BRINP1: variants seen among roughly 807,000 people sequenced by gnomAD.
BRINP1 encodes BMP/retinoic acid inducible neural specific 1, also known as BMP/retinoic acid-inducible neural-specific protein 1.
Under a neutral mutation model 72.9 loss-of-function variants are expected in BRINP1, and 17 were observed. The ratio of observed to expected loss-of-function variants is 0.23; its 90% CI spans 0.16 to 0.35. BRINP1 has a LOEUF of 0.35. Among genes scored for constraint, BRINP1 ranks in the 10% least tolerant of loss-of-function variants. BRINP1 has a pLI of 1.00. For synonymous variants in BRINP1, 418 were observed against 378.5 expected, an observed-to-expected ratio of 1.10 and a Z score of -1.21; for missense variants, 850 against 1,001.6, an observed-to-expected ratio of 0.85 and a Z score of 2.04.
chr9:119,313,845 C>T (rs1469962577), intron 1 of BRINP1, among the ~76,000 whole-genome samples: 1 of 152,176 alleles, frequency 6.6e-6, no homozygotes, highest in Non-Finnish European at 1.5e-5. Flanking sequence ...GGACACAATT[C>T]AAGTGAGTGT....
chr9:119,351,595 A>G (rs1449757164), intron 1 of BRINP1, among the ~76,000 whole-genome samples: 1 of 152,168 alleles, frequency 6.6e-6, no homozygotes, highest in Non-Finnish European at 1.5e-5. Flanking sequence ...AATGCAAAGC[A>G]CTTTTCTACA....
intron 2 of BRINP1, among the ~76,000 whole-genome samples, chr9:119,259,014 T>C (rs771765111): frequency 6.6e-6 from 1 of 152,210 alleles, no homozygotes; most frequent in South Asian, 2.1e-4. Flanking sequence ...GGGGAAGTCA[T>C]TGACTCTGGC....
intron 7 of BRINP1, among the ~76,000 whole-genome samples, chr9:119,187,920 A>C (rs1373723260): frequency 6.6e-6 from 1 of 152,214 alleles, no homozygotes; most frequent in Non-Finnish European, 1.5e-5. Flanking sequence ...ATGAATTAAA[A>C]AACAAAATTA....
chr9:119,347,514 G>A (rs746598161), intron 1 of BRINP1, among the ~76,000 whole-genome samples: 15 of 151,946 alleles, frequency 9.9e-5, no homozygotes, highest in Middle Eastern at 3.2e-3. Flanking sequence ...ATTATTATTG[G>A]ACATTATTAT....
At chr9:119,342,653 G>C (rs1402887978) in intron 1 of BRINP1, among the ~76,000 whole-genome samples, 4 of 152,168 alleles carry the variant, frequency 2.6e-5, no homozygotes. Flanking sequence ...CCTGGTCTTG[G>C]ATATATAAGA....
chr9:119,175,673 A>T (rs1017723594), intron 7 of BRINP1, among the ~76,000 whole-genome samples: 1 of 152,172 alleles, frequency 6.6e-6, no homozygotes, highest in African/African-American at 2.4e-5. Context: ...CCACCAAAAC[A>T]TTCTAATGAA....
intron 7 of BRINP1, among the ~76,000 whole-genome samples, chr9:119,203,631 A>G (rs1423600238): frequency 6.6e-6 from 1 of 152,180 alleles, no homozygotes; most frequent in Non-Finnish European, 1.5e-5. Context: ...TGAGGCTCAA[A>G]GGTTTCAGTA....
chr9:119,291,314 C>T (rs1830820202), intron 2 of BRINP1, among the ~76,000 whole-genome samples: 1 of 152,128 alleles, frequency 6.6e-6, no homozygotes, highest in African/African-American at 2.4e-5. Flanking sequence ...ACTAACTTTA[C>T]GTGGTGAAGG....
At chr9:119,249,844 A>AAGGG (rs1830360598) in intron 2 of BRINP1, among the ~76,000 whole-genome samples, 2 of 73,340 alleles carry the variant, frequency 2.7e-5, no homozygotes, top group Admixed American at 1.2e-4. Context: ...GGAAGGAAGG[A>AAGGG]AGGAAGGAAG....
chr9:119,359,226 C>T (rs1161636114), intron 1 of BRINP1, among the ~76,000 whole-genome samples: 1 of 152,166 alleles, frequency 6.6e-6, no homozygotes, highest in East Asian at 1.9e-4. Context: ...TAGAATCTGA[C>T]TCTGTTACCC....
At chr9:119,319,394 G>A (rs1831161541) in intron 1 of BRINP1, among the ~76,000 whole-genome samples, 1 of 152,160 alleles carries the variant, frequency 6.6e-6, no homozygotes, top group South Asian at 2.1e-4. Context: ...GTAATCCGCA[G>A]AGCACCAGAA....
At chr9:119,240,348 A>T (rs1178365284) in intron 4 of BRINP1, among the ~76,000 whole-genome samples, 2 of 152,184 alleles carry the variant, frequency 1.3e-5, no homozygotes, top group African/African-American at 4.8e-5. Context: ...TAGTGGCAAG[A>T]AATGGCATGA....
chr9:119,308,391 A>G (rs145599021), intron 2 of BRINP1, among the ~76,000 whole-genome samples: 210 of 152,306 alleles, frequency 1.4e-3, no homozygotes, highest in African/African-American at 3.8e-3. Flanking sequence ...GCTTCTCTCT[A>G]AACTCCACTT....
intron 2 of BRINP1, among the ~76,000 whole-genome samples, chr9:119,291,681 T>G (rs1399620616): frequency 6.6e-6 from 1 of 152,220 alleles, no homozygotes; most frequent in Non-Finnish European, 1.5e-5. Flanking sequence ...CCCAAGTTAC[T>G]GCTGAAAATC....
At chr9:119,200,636 G>A (rs151091377) in intron 7 of BRINP1, among the ~76,000 whole-genome samples, 1,086 of 120,316 alleles carry the variant, frequency 9.0e-3, no homozygotes, top group Middle Eastern at 0.019. Context: ...GAAAAAAAAA[G>A]AAAAAAAAAA....
chr9:119,352,571 C>G (rs1831517186), intron 1 of BRINP1, among the ~76,000 whole-genome samples: 1 of 152,032 alleles, frequency 6.6e-6, no homozygotes, highest in South Asian at 2.1e-4. Context: ...CCACACCCAG[C>G]TGATTTTTGT....
At chr9:119,268,080 T>C (rs1177577871) in intron 2 of BRINP1, among the ~76,000 whole-genome samples, 2 of 151,894 alleles carry the variant, frequency 1.3e-5, no homozygotes, top group Non-Finnish European at 2.9e-5. Context: ...CCATCTCTAC[T>C]AAAAATACAA....
intron 6 of BRINP1, chr9:119,213,680 C>G: frequency 1.7e-6 from 1 of 597,610 alleles, no homozygotes; most frequent in Admixed American, 3.1e-5. Context: ...CTGGGTACGA[C>G]AGAAACAATA....
rs1204485675 is a variant in BRINP1, at chr9:119,311,251, A to G, written c.218+1887T>C. Among the ~76,000 whole-genome samples, 4 of 152,314 alleles carry G rather than the reference A, an allele frequency of 2.6e-5. No individual in the cohort carries two copies. The East Asian group carries it at 7.7e-4, about 29-fold the overall frequency. On this transcript the variant is annotated intron_variant, in intron 2 of 7. Transcript: ENST00000265922. The stretch of plus-strand genomic sequence containing the variant: ...GATTAAATAAAAGAAGGAAGGAATA[A>G]CTAGATGACCAGGGGCCTAACTTCT...
Sources: allele counts gnomAD v4.1 joint callset (sites outside exome capture counted in the v4.1 genomes callset), GRCh38; gene constraint gnomAD v4.1.1; transcripts MANE v1.5; gene names NCBI Gene and HGNC (gene_info 2026-07-23, HGNC 2026-07-21).